Variants in ATP6V1A observed in about 807,000 individuals in gnomAD.
The protein encoded by ATP6V1A is ATPase H+ transporting V1 subunit A, also known as V-type proton ATPase catalytic subunit A.
ATP6V1A carries 18 observed loss-of-function variants against 70.1 expected under a neutral mutation model. The ratio of observed to expected loss-of-function variants is 0.26; its 90% CI spans 0.18 to 0.38. ATP6V1A has a LOEUF of 0.38. Ranked by LOEUF, ATP6V1A falls within the 10% of genes least tolerant of loss-of-function variation. The pLI, the probability that ATP6V1A is intolerant of heterozygous loss-of-function variation, is 1.00. For synonymous variants in ATP6V1A, 232 were observed against 253.8 expected, an observed-to-expected ratio of 0.91 and a Z score of 0.82; for missense variants, 424 against 772.4, an observed-to-expected ratio of 0.55 and a Z score of 5.35.
At chr3:113,751,469 T>G (rs1402743229) in intron 1 of ATP6V1A, among the ~76,000 whole-genome samples, 2 of 151,966 alleles carry the variant, frequency 1.3e-5, no homozygotes, top group Non-Finnish European at 2.9e-5. Context: ...ATGTTGATTG[T>G]CTATTATAAC....
intron 1 of ATP6V1A, among the ~76,000 whole-genome samples, chr3:113,755,568 ACC>A: frequency 6.6e-6 from 1 of 152,228 alleles, no homozygotes; most frequent in South Asian, 2.1e-4. Context: ...GCCACTGCAG[ACC>A]CTGGGTGACA....
intron 1 of ATP6V1A, among the ~76,000 whole-genome samples, chr3:113,776,580 C>T (rs1046980589): frequency 5.3e-5 from 8 of 152,206 alleles, no homozygotes; most frequent in Non-Finnish European, 8.8e-5. Context: ...ATTCCATTGA[C>T]ATTCAAGCCT....
At chr3:113,805,329 T>A in intron 13 of ATP6V1A, 25 bp from the exon 14 acceptor site, 1 of 1,607,512 alleles carries the variant, frequency 6.2e-7, no homozygotes. Flanking sequence ...TTTTTGTTAA[T>A]TTTTTGGACC....
At chr3:113,784,042 A>G (rs900007711) in intron 3 of ATP6V1A, among the ~76,000 whole-genome samples, 182 bp from the exon 4 acceptor site, 3 of 152,214 alleles carry the variant, frequency 2.0e-5, no homozygotes, top group South Asian at 4.1e-4. Context: ...AGTGTTAGAT[A>G]TATCTTTTGT....
intron 13 of ATP6V1A, among the ~76,000 whole-genome samples, chr3:113,804,743 AT>A (rs1709256256): frequency 6.6e-6 from 1 of 152,262 alleles, no homozygotes; most frequent in Non-Finnish European, 1.5e-5. Flanking sequence ...TAATAGGAGT[AT>A]CCGTGAAATT....
chr3:113,809,758 T>G lies in ATP6V1A; in HGVS notation c.*331T>G, dbSNP rs1709319929. 5.8e-6 allele frequency: 1 copy of G among 171,654 alleles called. No individual in the cohort carries two copies. Among genetic ancestry groups the G allele is most frequent in the Non-Finnish European group, 1.3e-5 (1 of 78,874 alleles). The allele number at this position is 171,654 out of a possible 1,614,324, so 10.6% of individuals were successfully genotyped here. On this transcript the variant is annotated 3_prime_UTR_variant, in exon 15 of 15. Transcript: ENST00000273398. Reference sequence around the variant, plus strand: ...CCCTTTCCTCATCTCTATTAAATTGTAAACAGGACTACTGCATGTACTCTC... The same window carrying G: ...CCCTTTCCTCATCTCTATTAAATTGGAAACAGGACTACTGCATGTACTCTC...
At chr3:113,750,808 G>T (rs1320704546) in intron 1 of ATP6V1A, among the ~76,000 whole-genome samples, 1 of 152,166 alleles carries the variant, frequency 6.6e-6, no homozygotes, top group Admixed American at 6.5e-5. Context: ...ACAACCCACA[G>T]AATTGACTGA....
chr3:113,781,663 T>G (rs1708979271), intron 3 of ATP6V1A, among the ~76,000 whole-genome samples: 1 of 152,196 alleles, frequency 6.6e-6, no homozygotes, highest in South Asian at 2.1e-4. Context: ...AGAAAAGTAC[T>G]ATGAATTGGT....
At chr3:113,770,029 TTTTATTTATTTATTTA>T (rs143157842) in intron 1 of ATP6V1A, among the ~76,000 whole-genome samples, 12 of 147,692 alleles carry the variant, frequency 8.1e-5, no homozygotes, top group South Asian at 2.2e-4. Context: ...GTATTCCTGC[TTTTATTTATTTATTTA>T]TTTATTTATT....
chr3:113,805,657 C>G (rs1186530969), intron 14 of ATP6V1A, 132 bp downstream of exon 14: 4 of 892,058 alleles, frequency 4.5e-6, no homozygotes, highest in Non-Finnish European at 6.7e-6. Context: ...CAACCTCTGC[C>G]TCCTGGGTTC....
chr3:113,809,669 T>C lies in ATP6V1A; in HGVS notation c.*242T>C, dbSNP rs1709319559. On this transcript the variant is annotated 3_prime_UTR_variant, in exon 15 of 15. Coordinates refer to ENST00000273398, the MANE Select transcript of ATP6V1A (RefSeq NM_001690.4). ...TCTGAAGTGGTGAATATAGTAAATA[T>C]ACATTCTGGTTACACTACTGTAAAC... 3 of 342,268 alleles carry C rather than the reference T, an allele frequency of 8.8e-6. No homozygotes were observed. The highest frequency in any genetic ancestry group is 3.7e-5 in the South Asian group (1 of 26,748). 21.2% of individuals were successfully genotyped at this position (342,268 alleles called of 1,614,324 possible).
chr3:113,788,848 G>A lies in ATP6V1A; in HGVS notation c.852G>A (p.Met284Ile). The A allele has an allele frequency of 6.2e-7, 1 of 1,613,286 alleles. No individual in the cohort carries two copies. Among genetic ancestry groups the A allele is most frequent in the Non-Finnish European group, 8.5e-7 (1 of 1,179,882 alleles). Residue 284 changes from methionine (M) to isoleucine (I), a missense_variant, in exon 7 of 15, where the codon ATG becomes ATA. Transcript: ENST00000273398. Reference sequence around the variant, plus strand: ...GATGTGGTGAAAGAGGAAATGAGATGTCTGAAGTCCTCCGGGACTTCCCAG... The same window carrying A: ...GATGTGGTGAAAGAGGAAATGAGATATCTGAAGTCCTCCGGGACTTCCCAG... ...YVGCGERGNEMSEVLRDFPEL... is the reference protein window; with the variant it reads ...YVGCGERGNEISEVLRDFPEL...
chr3:113,794,272 A>G (rs1054883171), intron 8 of ATP6V1A, among the ~76,000 whole-genome samples: 3 of 152,162 alleles, frequency 2.0e-5, no homozygotes, highest in Admixed American at 6.5e-5. Context: ...GCATGCATAC[A>G]TGTTTGTGTG....
At chr3:113,808,111 CAA>C (rs1407409037) in intron 14 of ATP6V1A, among the ~76,000 whole-genome samples, 2 of 135,280 alleles carry the variant, frequency 1.5e-5, no homozygotes, top group Non-Finnish European at 3.1e-5. Flanking sequence ...GCCTGGACAA[CAA>C]GAGCAAAACT....
At chr3:113,777,046 T>G (rs778594812) in intron 1 of ATP6V1A, among the ~76,000 whole-genome samples, 1 of 152,252 alleles carries the variant, frequency 6.6e-6, no homozygotes, top group Non-Finnish European at 1.5e-5. Context: ...CTCTTTGTGG[T>G]TAATTTTGGA....
At chr3:113,760,256 G>A (rs981676919) in intron 1 of ATP6V1A, among the ~76,000 whole-genome samples, 3 of 152,070 alleles carry the variant, frequency 2.0e-5, no homozygotes, top group Admixed American at 6.6e-5. Context: ...ACCTATCTTA[G>A]GCAGCATTCT....
chr3:113,803,542 A>C (rs1246679582), intron 12 of ATP6V1A, 41 bp from the exon 13 acceptor site: 1 of 1,443,022 alleles, frequency 6.9e-7, no homozygotes. Flanking sequence ...TCAATCTTAC[A>C]TTTTAGAGTA....
Position 113,753,201 on chromosome 3 carries a change from A to G in ATP6V1A, c.-14+6088A>G, listed in dbSNP as rs539240883. 9.8e-5 allele frequency among the ~76,000 whole-genome samples: 15 copies of G among 152,332 alleles called. No individual in the cohort carries two copies. In the South Asian group the frequency reaches 2.7e-3, roughly 27 times the overall value. ...GAAGAGAAATCCAAACATTCAACAA[A>G]CAGTAAAGGATGTGTAACCTTACTA... On this transcript the variant is annotated intron_variant, in intron 1 of 14. Coordinates refer to ENST00000273398, the MANE Select transcript of ATP6V1A (RefSeq NM_001690.4).
rs541068741 is a variant in ATP6V1A at position 113,811,710 on chromosome 3, G to A, written c.*2283G>A. The A allele has an allele frequency of 6.6e-6, 1 of 152,548 alleles. No homozygotes were observed. Among genetic ancestry groups the A allele is most frequent in the Non-Finnish European group, 1.5e-5 (1 of 68,026 alleles). The allele number at this position is 152,548 out of a possible 1,614,324, so 9.4% of individuals were successfully genotyped here. The stretch of plus-strand genomic sequence containing the variant: ...GCGAACCTATGCTCAGATATTCATC[G>A]TAAGTCTCCCTTCACCTGTTACAGA... On this transcript the variant is annotated 3_prime_UTR_variant, in exon 15 of 15. Coordinates refer to ENST00000273398, the MANE Select transcript of ATP6V1A (RefSeq NM_001690.4).
Sources: allele counts gnomAD v4.1 joint callset (sites outside exome capture counted in the v4.1 genomes callset), GRCh38; gene constraint gnomAD v4.1.1; transcripts MANE v1.5; gene names NCBI Gene and HGNC (gene_info 2026-07-23, HGNC 2026-07-21).